TMEM223: variants seen among roughly 807,000 people sequenced by gnomAD.
TMEM223 encodes transmembrane protein 223.
In TMEM223, 14 loss-of-function variants were observed where a neutral mutation model predicts 14.1. That is an observed-to-expected ratio of 0.99 (90% CI 0.66 to 1.55). The LOEUF (loss-of-function observed/expected upper bound fraction) is 1.55, where lower values mean the gene tolerates loss of function less well. TMEM223 is among the 40% of genes most tolerant of loss of function. The probability of loss-of-function intolerance (pLI) is 0.00; values close to 1 mark genes in which losing one functional copy is unlikely to be tolerated. For missense variants in TMEM223, 346 were observed against 269.9 expected (o/e 1.28, Z -1.97); for synonymous variants, 145 against 120.5 (o/e 1.20, Z -1.33).
chr11:62,779,019 GTT>G (rs373542247), intron 1 of TMEM223: 22,181 of 901,696 alleles, frequency 0.025, no homozygotes, highest in East Asian at 0.03. Context: ...TTCTAGACCT[GTT>G]TTTTTTTTTT....
chr11:62,787,416 T>A, downstream of TMEM223: 1 of 1,557,740 alleles, frequency 6.4e-7, no homozygotes, highest in Non-Finnish European at 8.6e-7. Context: ...CGGCGCTTCC[T>A]GGTGGTCAGG....
downstream of TMEM223, among the ~76,000 whole-genome samples, chr11:62,784,369 A>C (rs1590937964): frequency 7.0e-6 from 1 of 141,928 alleles, no homozygotes; most frequent in Non-Finnish European, 1.5e-5. Flanking sequence ...CAGTGGCGCC[A>C]TCTTGGCTAA....
chr11:62,791,686 G>A lies in TMEM223; in HGVS notation c.309C>T (p.Gly103=). 4 of 1,533,438 alleles carry A rather than the reference G, an allele frequency of 2.6e-6. No individual in the cohort carries two copies. The highest frequency in any genetic ancestry group is 3.5e-6 in the Non-Finnish European group (4 of 1,139,402). 95.0% of individuals were successfully genotyped at this position (1,533,438 alleles called of 1,614,324 possible). A position where few individuals can be genotyped will look rare whatever the true frequency, so the allele number is the denominator to read the frequency against. The part of the protein sequence containing the change: ...LWRYGLAVGC[G]AIGALVLGAG... ...AGCCAGCCCACGTCTTACCGATGGC[G>A]CCGCAGCCGACGGCCAGACCGTAGC... is the stretch of plus-strand genomic sequence containing the variant. The change falls in exon 1 of 2, where the codon GGC becomes GGT. Residue 103 remains glycine (G), a synonymous_variant. Transcript: ENST00000307366.
chr11:62,782,369 T>C, intron 1 of TMEM223: 1 of 1,599,910 alleles, frequency 6.3e-7, no homozygotes, highest in Non-Finnish European at 8.5e-7. Flanking sequence ...GTGGGATTGC[T>C]GCAGAGCCAA....
At chr11:62,781,999 T>A (rs1210838443) in intron 1 of TMEM223, 2 of 1,611,954 alleles carry the variant, frequency 1.2e-6, no homozygotes, top group South Asian at 2.2e-5. Context: ...AGGGAGAATG[T>A]TTTATAAGGA....
downstream of TMEM223, chr11:62,787,732 C>T (rs1420612125): frequency 1.1e-5 from 8 of 700,386 alleles, no homozygotes; most frequent in African/African-American, 8.9e-5. Flanking sequence ...TCGAAGTTGT[C>T]CCCTCGCCAA....
chr11:62,776,239 C>A, intron 1 of TMEM223: 1 of 809,982 alleles, frequency 1.2e-6, no homozygotes, highest in Non-Finnish European at 2.0e-6. Context: ...TGTTTTTGTA[C>A]AGGAGCAGAG....
chr11:62,790,217 CCAAAATATT>C lies in TMEM223; in HGVS notation c.*397_*405del. Reference sequence around the variant, plus strand: ...ACCTCTTCCTGCAGCTGTTTTTGTACCAAAATATTATATTACTGTCTTCATCTTAGTAGT... The same window carrying C: ...ACCTCTTCCTGCAGCTGTTTTTGTACATATTACTGTCTTCATCTTAGTAGT... On this transcript the variant is annotated 3_prime_UTR_variant, in exon 2 of 2. Transcript: ENST00000307366. 1.4e-6 allele frequency: 1 copy of C among 718,838 alleles called. No homozygotes were observed. The highest frequency in any genetic ancestry group is 2.2e-6 in the Non-Finnish European group (1 of 457,752). 44.5% of individuals were successfully genotyped at this position (718,838 alleles called of 1,614,324 possible).
At chr11:62,771,189 G>T (rs11603028), downstream of TMEM223, 1 of 152,300 alleles carries the variant, frequency 6.6e-6, no homozygotes, top group Middle Eastern at 3.4e-3. Context: ...CTTATTAAAC[G>T]TGTGTTAAAA....
downstream of TMEM223, among the ~76,000 whole-genome samples, chr11:62,788,334 C>T (rs1192346721): frequency 3.3e-5 from 5 of 151,942 alleles, no homozygotes; most frequent in South Asian, 2.1e-4. Context: ...ACCTGGGAGG[C>T]GGAGGTTGCA....
rs751170816 is a variant in TMEM223 at position 62,790,075 on chromosome 11, G to A, written c.*548C>T. The stretch of plus-strand genomic sequence containing the variant: ...AATAAGCGGAGTGCTTCCTGCAGCC[G>A]AAGACTCCATGCCCAAGTGCCTGTA... On this transcript the variant is annotated 3_prime_UTR_variant, in exon 2 of 2. Coordinates refer to ENST00000307366, the MANE Select transcript of TMEM223 (RefSeq NM_001080501.3). 15 of 1,576,840 alleles carry A rather than the reference G, an allele frequency of 9.5e-6. No individual in the cohort carries two copies. In the South Asian group the frequency reaches 1.0e-4, roughly 11 times the overall value.
At chr11:62,789,931 C>G (rs1011617777), downstream of TMEM223, 2 of 1,614,020 alleles carry the variant, frequency 1.2e-6, no homozygotes, top group African/African-American at 2.7e-5. Context: ...GGTCTTGGTG[C>G]TCCAGGTCGT....
chr11:62,789,172 C>A (rs375060289), downstream of TMEM223: 26 of 1,614,062 alleles, frequency 1.6e-5, no homozygotes, highest in Admixed American at 4.2e-4. Context: ...TGCTTTTGCT[C>A]TTCTGGATCT....
chr11:62,788,760 A>G (rs1411804101), downstream of TMEM223, among the ~76,000 whole-genome samples: 2 of 151,736 alleles, frequency 1.3e-5, no homozygotes, highest in East Asian at 1.9e-4. Flanking sequence ...GTTTCTGCAC[A>G]GAGACCATAA....
At chr11:62,773,882 T>G (rs2084167237) in intron 2 of TMEM223, among the ~76,000 whole-genome samples, 2 of 151,620 alleles carry the variant, frequency 1.3e-5, no homozygotes, top group Admixed American at 6.6e-5. Context: ...GGATTGGGGG[T>G]GGAGGACAGG....
downstream of TMEM223, chr11:62,787,583 C>A: frequency 6.8e-7 from 1 of 1,463,316 alleles, no homozygotes; most frequent in Non-Finnish European, 9.0e-7. Context: ...CTGGACATGG[C>A]GAGGCCACTT....
chr11:62,789,311 A>G (rs2084330308), downstream of TMEM223: 6 of 1,613,332 alleles, frequency 3.7e-6, no homozygotes, highest in South Asian at 4.4e-5. Context: ...AGGGCTGCGC[A>G]TTGCACTGGC....
At chr11:62,777,827 T>C in intron 1 of TMEM223, 4 of 913,962 alleles carry the variant, frequency 4.4e-6, no homozygotes, top group South Asian at 3.6e-5. Context: ...CAGTGGTGGC[T>C]CTGAGTCCCA....
At chr11:62,784,607 A>T (rs2084256946), downstream of TMEM223, among the ~76,000 whole-genome samples, 1 of 152,028 alleles carries the variant, frequency 6.6e-6, no homozygotes, top group Admixed American at 6.6e-5. Flanking sequence ...TGCCTGGCCT[A>T]TATTCTTAAT....
Sources: gnomAD v4.1 joint callset for allele counts (sites outside exome capture counted in the v4.1 genomes callset) on GRCh38, gnomAD v4.1.1 for gene constraint, MANE v1.5 for transcripts, NCBI Gene and HGNC (gene_info 2026-07-23, HGNC 2026-07-21) for gene names.